Variants in SLC8A2 observed in about 807,000 individuals in gnomAD.
SLC8A2 encodes the protein sodium/calcium exchanger 2.
SLC8A2 carries 14 observed loss-of-function variants against 70.2 expected under a neutral mutation model. That is an observed-to-expected ratio of 0.20 (90% CI 0.13 to 0.31). SLC8A2 has a LOEUF of 0.31. SLC8A2 is among the 10% of genes least tolerant of loss of function. The pLI is 1.00. For missense variants in SLC8A2, 779 were observed against 1,320.1 expected (o/e 0.59, Z 6.35); for synonymous variants, 575 against 594.3 (o/e 0.97, Z 0.47).
At chr19:47,449,152 G>C (rs1362342387) in intron 3 of SLC8A2, among the ~76,000 whole-genome samples, 1 of 152,144 alleles carries the variant, frequency 6.6e-6, no homozygotes, top group East Asian at 1.9e-4. Context: ...ACAAACACAG[G>C]ATGTCAGGTG....
intron 8 of SLC8A2, 44 bp downstream of exon 8, chr19:47,437,416 CTG>C: frequency 1.6e-6 from 2 of 1,279,754 alleles, no homozygotes; most frequent in South Asian, 1.2e-5. Flanking sequence ...CCCTGTGTCT[CTG>C]TCTCTCCATC....
Position 47,447,654 on chromosome 19 carries a change from G to T in SLC8A2, c.1763+155C>A. On this transcript the variant is annotated intron_variant, in intron 4 of 9. Coordinates refer to ENST00000236877, the MANE Select transcript of SLC8A2 (RefSeq NM_015063.3). The surrounding 1 kb of genome is among the most constrained non-coding windows in gnomAD (Gnocchi z 5.1). ...ATGGGTCACAGGCCCCGCCCACGTT[G>T]CGGGCACGGCCACGCAGGCCCCTCC... The T allele has an allele frequency of 1.5e-6, 1 of 660,186 alleles. No homozygotes were observed. The allele number at this position is 660,186 out of a possible 1,614,324, so 40.9% of individuals were successfully genotyped here.
chr19:47,452,690 A>C (rs767576006), intron 3 of SLC8A2, among the ~76,000 whole-genome samples: 20 of 152,144 alleles, frequency 1.3e-4, no homozygotes, highest in Non-Finnish European at 2.4e-4. Context: ...TGAGAAGATA[A>C]AAATCTTAAA....
chr19:47,438,851 C>T (rs1416759029), intron 6 of SLC8A2, among the ~76,000 whole-genome samples: 4 of 152,188 alleles, frequency 2.6e-5, no homozygotes, highest in African/African-American at 4.8e-5. Flanking sequence ...TACACCTGAC[C>T]TCAAACCTCA....
chr19:47,465,652 C>T lies in SLC8A2; in HGVS notation c.675+77G>A. ...GCATTTCTGCAAATACAGCAATCAACACTCCAAGCCAAGAGCACCTCTCTG... is the reference window on the plus strand; with the variant it reads ...GCATTTCTGCAAATACAGCAATCAATACTCCAAGCCAAGAGCACCTCTCTG... On this transcript the variant is annotated intron_variant, in intron 2 of 9. Transcript: ENST00000236877. The surrounding 1 kb of genome is among the most constrained non-coding windows in gnomAD (Gnocchi z 5.5). 1 of 1,252,042 alleles carries T rather than the reference C, an allele frequency of 8.0e-7. No homozygotes were observed. Among genetic ancestry groups the T allele is most frequent in the East Asian group, 2.5e-5 (1 of 39,638 alleles). 77.6% of individuals were successfully genotyped at this position (1,252,042 alleles called of 1,614,324 possible). A position where few individuals can be genotyped will look rare whatever the true frequency, so the allele number is the denominator to read the frequency against.
At chr19:47,452,449 T>A (rs202145397) in intron 3 of SLC8A2, among the ~76,000 whole-genome samples, 994 of 66,948 alleles carry the variant, frequency 0.015, no homozygotes, top group East Asian at 0.037. Context: ...AGAGAGAGTG[T>A]GTGTGTGTGT....
chr19:47,457,467 A>C lies in SLC8A2; in HGVS notation c.803T>G (p.Ile268Ser), dbSNP rs761116550. Residue 268 changes from isoleucine (I) to serine (S), a missense_variant, in exon 3 of 10, where the codon ATC becomes AGC. Transcript: ENST00000236877. The part of the protein sequence containing the change: ...KRYRTDPRSG[I>S]IIGAEGDPPK... ...GGGGTCGCCCTCGGCGCCTATGATG[A>C]TGCCGCTGCGTGGGTCGGTGCGGTA... 2.2e-5 allele frequency: 35 copies of C among 1,609,180 alleles called. No homozygotes were observed. In the South Asian group the frequency reaches 2.6e-4, roughly 12 times the overall value.
intron 1 of SLC8A2, among the ~76,000 whole-genome samples, chr19:47,470,217 G>A (rs1967516280): frequency 6.6e-6 from 1 of 152,172 alleles, no homozygotes; most frequent in South Asian, 2.1e-4. Context: ...GTGATACACT[G>A]ATAATACGTA....
chr19:47,447,877 C>T lies in SLC8A2; in HGVS notation c.1695G>A (p.Thr565=), dbSNP rs61748880. The T allele has an allele frequency of 5.7e-3, 9,040 of 1,593,218 alleles. 490 individuals are homozygous for T. The African/African-American group carries it at 0.11, about 19-fold the overall frequency. Residue 565 remains threonine, a synonymous_variant, in exon 4 of 10, where the codon ACG becomes ACA. Coordinates refer to ENST00000236877, the MANE Select transcript of SLC8A2 (RefSeq NM_015063.3). This position sits in a 1 kb window ranked among gnomAD's most constrained non-coding sequence, Gnocchi z 5.1. The part of the protein sequence containing the change: ...VRLPYRTVDG[T]ARGGGVHYED... Reference sequence around the variant, plus strand: ...CGTAGTGCACGCCGCCGCCGCGCGCCGTGCCGTCCACCGTGCGGTAGGGAA... The same window carrying T: ...CGTAGTGCACGCCGCCGCCGCGCGCTGTGCCGTCCACCGTGCGGTAGGGAA...
chr19:47,448,355 T>G lies in SLC8A2; in HGVS notation c.1341-124A>C. 1 of 697,278 alleles carries G rather than the reference T, an allele frequency of 1.4e-6. No individual in the cohort carries two copies. Among genetic ancestry groups the G allele is most frequent in the Non-Finnish European group, 2.4e-6 (1 of 422,540 alleles). 43.2% of individuals were successfully genotyped at this position (697,278 alleles called of 1,614,324 possible). A position where few individuals can be genotyped will look rare whatever the true frequency, so the allele number is the denominator to read the frequency against. ...GGTGCCATAGAAGAACTCCCAAGTA[T>G]GAGGGTCGACAGGCATTAAACAAGT... On this transcript the variant is annotated intron_variant, in intron 3 of 9. Coordinates refer to ENST00000236877, the MANE Select transcript of SLC8A2 (RefSeq NM_015063.3). The surrounding 1 kb of genome is among the most constrained non-coding windows in gnomAD (Gnocchi z 4.8).
intron 8 of SLC8A2, among the ~76,000 whole-genome samples, chr19:47,436,623 C>T (rs1967032063): frequency 6.6e-6 from 1 of 152,150 alleles, no homozygotes; most frequent in African/African-American, 2.4e-5. Context: ...GGGCCTTAAC[C>T]CTGATGTTAT....
intron 8 of SLC8A2, among the ~76,000 whole-genome samples, chr19:47,435,012 C>A (rs1334300007): frequency 6.6e-6 from 1 of 152,102 alleles, no homozygotes; most frequent in Non-Finnish European, 1.5e-5. Context: ...AGTTCAAGAC[C>A]AGTCCGGCCA....
rs1027146078 is a variant in SLC8A2, at chr19:47,432,326, C to T, written c.2230G>A (p.Glu744Lys). The T allele has an allele frequency of 8.7e-6, 14 of 1,613,962 alleles. No homozygotes were observed. The East Asian group carries it at 1.1e-4, about 13-fold the overall frequency. ...AAGCAGGCCCAGCCGTGGCAGTACT[C>T]GGTGGGGGGCACACAGGCGAAGAGC... ...KVLFACVPPT[E>K]YCHGWACFGV... The change falls in exon 9 of 10, where the codon GAG (glutamate) becomes AAG (lysine). Residue 744 changes from glutamate (E) to lysine (K), a missense_variant. Around this residue, in one of 6 missense-constraint regions of SLC8A2, gnomAD observed 108 missense variants for 269.6 expected, o/e 0.40. Transcript: ENST00000236877. The surrounding 1 kb of genome is among the most constrained non-coding windows in gnomAD (Gnocchi z 6.2).
In SLC8A2 at chr19:47,429,699, A is replaced by C; in HGVS notation, c.*390T>G. The C allele has an allele frequency of 1.2e-5, 2 of 170,676 alleles. No homozygotes were observed. The highest frequency in any genetic ancestry group is 1.7e-4 in the East Asian group (1 of 5,812). The allele number at this position is 170,676 out of a possible 1,614,324, so 10.6% of individuals were successfully genotyped here. ...GGGGTGAAGTGGGGGGGGGGTCACT[A>C]GGGGAAGGGAGACTTTGGGGGCAAA... On this transcript the variant is annotated 3_prime_UTR_variant, in exon 10 of 10. Transcript: ENST00000236877.
intron 2 of SLC8A2, among the ~76,000 whole-genome samples, chr19:47,462,342 G>A (rs1051832616): frequency 6.6e-6 from 1 of 151,892 alleles, no homozygotes; most frequent in African/African-American, 2.4e-5. Flanking sequence ...TCGGCTTACC[G>A]CAACCTCCGC....
Position 47,466,536 on chromosome 19 carries a change from G to A in SLC8A2, c.-16-117C>T. ...GAGAAGCTGAGGACCAATGCAGGCA[G>A]GATGGGGACTGAGGGCGACAGAGAC... On this transcript the variant is annotated intron_variant, in intron 1 of 9. Coordinates refer to ENST00000236877, the MANE Select transcript of SLC8A2 (RefSeq NM_015063.3). The surrounding 1 kb of genome is among the most constrained non-coding windows in gnomAD (Gnocchi z 6.9). The A allele has an allele frequency of 1.8e-6, 1 of 568,590 alleles. No homozygotes were observed. Among genetic ancestry groups the A allele is most frequent in the Non-Finnish European group, 3.1e-6 (1 of 322,582 alleles). The allele number at this position is 568,590 out of a possible 1,614,324, so 35.2% of individuals were successfully genotyped here.
At chr19:47,441,968 G>A (rs900575094) in intron 4 of SLC8A2, among the ~76,000 whole-genome samples, 1 of 152,270 alleles carries the variant, frequency 6.6e-6, no homozygotes. Flanking sequence ...TGGGTGTGGT[G>A]GCACATGCCT....
chr19:47,435,490 C>T (rs1599844601), intron 8 of SLC8A2, among the ~76,000 whole-genome samples: 1 of 151,562 alleles, frequency 6.6e-6, no homozygotes, highest in East Asian at 1.9e-4. Flanking sequence ...CCCCGTTGTT[C>T]GTGGAATGAA....
At chr19:47,471,046 G>C (rs1269702292) in intron 1 of SLC8A2, among the ~76,000 whole-genome samples, 1 of 151,854 alleles carries the variant, frequency 6.6e-6, no homozygotes, top group Non-Finnish European at 1.5e-5. Flanking sequence ...GGCTCCCAGG[G>C]AGAGCCAGAG....
Sources: gnomAD v4.1 joint callset for allele counts (sites outside exome capture counted in the v4.1 genomes callset) on GRCh38, gnomAD v4.1.1 for gene constraint, gnomAD v4.1.1 regional missense constraint, Gnocchi (gnomAD v3.1) non-coding constraint, MANE v1.5 for transcripts, NCBI Gene and HGNC (gene_info 2026-07-23, HGNC 2026-07-21) for gene names.